Variants in TENM1 observed in about 807,000 individuals in gnomAD.
The protein encoded by TENM1 is teneurin-1.
A neutral mutation model predicts 174.8 loss-of-function variants in TENM1; 35 were observed. The observed-to-expected ratio is 0.20, with a 90% CI of 0.15 to 0.27. The LOEUF (loss-of-function observed/expected upper bound fraction) is 0.27, where lower values mean the gene tolerates loss of function less well. Among genes scored for constraint, TENM1 ranks in the 10% least tolerant of loss-of-function variants. TENM1 has a pLI of 1.00. For synonymous variants in TENM1, 781 were observed against 798.7 expected (o/e 0.98, Z 0.37); for missense variants, 1,633 against 2,130.1 (o/e 0.77, Z 4.59).
At chrX:125,005,189 TACACACACACAC>T in the TENM1 span, among the ~76,000 whole-genome samples, 16 of 88,780 alleles carry the variant, frequency 1.8e-4, no homozygotes, top group East Asian at 7.9e-4. Flanking sequence ...GATGTATACA[TACACACACACAC>T]ACACACACAC....
the TENM1 span, among the ~76,000 whole-genome samples, chrX:125,090,383 C>T: frequency 7.2e-5 from 8 of 111,019 alleles, no homozygotes; most frequent in Non-Finnish European, 1.5e-4. Context: ...CGGTGGCTCA[C>T]GCCCATAATC....
the TENM1 span, among the ~76,000 whole-genome samples, chrX:125,019,864 AC>A: frequency 9.0e-6 from 1 of 111,723 alleles, no homozygotes; most frequent in African/African-American, 3.2e-5. Context: ...TTACAATATA[AC>A]AAAAATAATG....
At chrX:124,969,302 C>A in the TENM1 span, among the ~76,000 whole-genome samples, 1 of 112,190 alleles carries the variant, frequency 8.9e-6, no homozygotes, top group Admixed American at 9.5e-5. Flanking sequence ...AGTATGAATT[C>A]AAATGTCAAC....
At chrX:124,761,782 C>T (rs1276009203) in intron 3 of TENM1, among the ~76,000 whole-genome samples, 3 of 111,462 alleles carry the variant, frequency 2.7e-5, no homozygotes, top group Admixed American at 1.9e-4. Flanking sequence ...GATCTTTCCA[C>T]GTATGTACAT....
exon 13 of TENM1, chrX:124,563,760 T>C (rs1359707369): frequency 3.4e-6 from 4 of 1,193,255 alleles, no homozygotes; most frequent in Admixed American, 2.2e-5. Context: ...TCGGACAGCA[T>C]CTAAGTAGTG....
intron 3 of TENM1, among the ~76,000 whole-genome samples, chrX:124,891,111 G>A (rs1477752505): frequency 4.5e-5 from 5 of 110,678 alleles, no homozygotes; most frequent in African/African-American, 1.3e-4. Context: ...TTGTACTTAC[G>A]GAGATAGAGA....
the TENM1 span, among the ~76,000 whole-genome samples, chrX:125,116,440 G>A: frequency 8.9e-6 from 1 of 111,932 alleles, no homozygotes; most frequent in African/African-American, 3.2e-5. Context: ...TATCATCAGA[G>A]TGAATAGGCA....
intron 3 of TENM1, among the ~76,000 whole-genome samples, chrX:124,809,843 G>GGGGAGAGAGA (rs1556343852): frequency 2.5e-5 from 2 of 78,674 alleles, no homozygotes; most frequent in African/African-American, 1.0e-4. Context: ...CATGACAGCA[G>GGGGAGAGAGA]GAGAGAGAGA....
chrX:124,532,007 A>G (rs1569536522), intron 15 of TENM1, among the ~76,000 whole-genome samples: 2 of 111,951 alleles, frequency 1.8e-5, no homozygotes, highest in East Asian at 5.6e-4. Flanking sequence ...GGGGCTGTGA[A>G]GAGACTGTAG....
intron 4 of TENM1, among the ~76,000 whole-genome samples, chrX:124,730,785 G>C (rs2053547807): frequency 9.0e-6 from 1 of 111,582 alleles, no homozygotes; most frequent in South Asian, 3.7e-4. Context: ...AGAGAAACTG[G>C]TGAGTTGAAG....
At chrX:124,947,305 T>C (rs113205725) in intron 1 of TENM1, among the ~76,000 whole-genome samples, 1 of 112,084 alleles carries the variant, frequency 8.9e-6, no homozygotes, top group African/African-American at 3.2e-5. Flanking sequence ...GTAAAGAGCA[T>C]CAGCTCTCAT....
At chrX:124,719,570 C>T (rs1208616797) in intron 4 of TENM1, among the ~76,000 whole-genome samples, 1 of 111,451 alleles carries the variant, frequency 9.0e-6, no homozygotes, top group African/African-American at 3.3e-5. Flanking sequence ...TACAATTCCA[C>T]TTGAGCACAG....
chrX:124,960,906 G>A lies in TENM1; in HGVS notation c.217+2631C>T, dbSNP rs187230969. ...CAGAAGAAGAGAATTATTTTAGAAC[G>A]AACTTACATGATATTAACTGAAAAA... is the stretch of plus-strand genomic sequence containing the variant. On this transcript the variant is annotated intron_variant, in intron 1 of 31. Transcript: ENST00000422452. 2.9e-3 allele frequency among the ~76,000 whole-genome samples: 320 copies of A among 111,060 alleles called. 6 individuals carry two copies. Among genetic ancestry groups the A allele is most frequent in the African/African-American group, 9.7e-3 (298 of 30,588 alleles).
chrX:124,383,330 TATA>T (rs749346692), intron 30 of TENM1, among the ~76,000 whole-genome samples: 2 of 111,794 alleles, frequency 1.8e-5, no homozygotes, highest in East Asian at 5.6e-4. Flanking sequence ...AACCCTGGAT[TATA>T]ATATCAGCTT....
the TENM1 span, among the ~76,000 whole-genome samples, chrX:125,144,000 T>C: frequency 8.9e-6 from 1 of 111,792 alleles, no homozygotes; most frequent in East Asian, 2.8e-4. Flanking sequence ...TTTTGAATGG[T>C]TTTGTTCCCC....
chrX:124,542,024 G>A, intron 15 of TENM1, among the ~76,000 whole-genome samples: 1 of 112,207 alleles, frequency 8.9e-6, no homozygotes, highest in South Asian at 3.8e-4. Context: ...GGAGGCCCAA[G>A]TAGTCAAATA....
chrX:125,158,647 T>TTTTTTTAA, the TENM1 span, among the ~76,000 whole-genome samples: 1 of 110,387 alleles, frequency 9.1e-6, no homozygotes, highest in Non-Finnish European at 1.9e-5. Flanking sequence ...TAGATGCACA[T>TTTTTTTAA]TTTAACTACT....
At chrX:125,087,351 G>A in the TENM1 span, among the ~76,000 whole-genome samples, 4 of 110,797 alleles carry the variant, frequency 3.6e-5, no homozygotes, top group Non-Finnish European at 1.9e-5. Flanking sequence ...AAAATCCACT[G>A]AAGGCATTGT....
chrX:125,107,350 T>C, the TENM1 span, among the ~76,000 whole-genome samples: 1 of 112,695 alleles, frequency 8.9e-6, no homozygotes, highest in East Asian at 2.8e-4. Context: ...CCTTCAGAAA[T>C]TTAAAGCATA....
Sources: allele counts gnomAD v4.1 joint callset (sites outside exome capture counted in the v4.1 genomes callset), GRCh38; gene constraint gnomAD v4.1.1; transcripts MANE v1.5; gene names NCBI Gene and HGNC (gene_info 2026-07-23, HGNC 2026-07-21).